Variants in IMMP1L observed in about 807,000 individuals in gnomAD.
The protein encoded by IMMP1L is inner mitochondrial membrane peptidase subunit 1, also known as mitochondrial inner membrane protease subunit 1.
IMMP1L carries 24 observed loss-of-function variants against 21.8 expected under a neutral mutation model. The observed-to-expected ratio is 1.10, with a 90% CI of 0.80 to 1.55. The LOEUF (loss-of-function observed/expected upper bound fraction) is 1.55. IMMP1L is among the 40% of genes most tolerant of loss of function. The pLI is 0.00. For missense variants in IMMP1L, 195 were observed against 200.7 expected, an observed-to-expected ratio of 0.97 and a Z score of 0.17; for synonymous variants, 46 against 62.8, an observed-to-expected ratio of 0.73 and a Z score of 1.26.
At chr11:31,452,650 T>G (rs1953794722) in intron 4 of IMMP1L, 2 of 986,092 alleles carry the variant, frequency 2.0e-6, no homozygotes, top group Non-Finnish European at 2.4e-6. Flanking sequence ...CAAATTAATC[T>G]CATATCTTTA....
intron 1 of IMMP1L, among the ~76,000 whole-genome samples, chr11:31,500,702 CTTTT>C (rs1169206104): frequency 6.7e-6 from 1 of 149,516 alleles, no homozygotes; most frequent in African/African-American, 2.5e-5. Context: ...GCTGTAGACA[CTTTT>C]TTTTTTCAAC....
chr11:31,462,468 T>C (rs1184688602), intron 2 of IMMP1L, among the ~76,000 whole-genome samples: 1 of 151,724 alleles, frequency 6.6e-6, no homozygotes, highest in Admixed American at 6.6e-5. Context: ...ATTGACTGGC[T>C]GGTCAATCAA....
rs778114962 is a variant in IMMP1L at position 31,463,123 on chromosome 11, G to C, written c.105+49C>G. Reference sequence around the variant, plus strand: ...GGAAAAACACACTTTCCTTCCATTTGAAAGAAAGTATATATTTAAGATGAA... The same window carrying C: ...GGAAAAACACACTTTCCTTCCATTTCAAAGAAAGTATATATTTAAGATGAA... On this transcript the variant is annotated intron_variant, in intron 2 of 5. Transcript: ENST00000532287. 7 of 1,422,176 alleles carry C rather than the reference G, an allele frequency of 4.9e-6. No individual in the cohort carries two copies. The East Asian group carries it at 1.2e-4, about 25-fold the overall frequency. The allele number at this position is 1,422,176 out of a possible 1,614,324, so 88.1% of individuals were successfully genotyped here. A position where few individuals can be genotyped will look rare whatever the true frequency, so the allele number is the denominator to read the frequency against.
chr11:31,472,579 C>T (rs535562223), intron 1 of IMMP1L, among the ~76,000 whole-genome samples: 2 of 152,142 alleles, frequency 1.3e-5, no homozygotes, highest in East Asian at 3.9e-4. Context: ...GAATCTGTTA[C>T]TTTTTTTATT....
At chr11:31,446,238 T>G (rs1953514850) in intron 4 of IMMP1L, among the ~76,000 whole-genome samples, 2 of 152,214 alleles carry the variant, frequency 1.3e-5, no homozygotes, top group African/African-American at 2.4e-5. Flanking sequence ...TTAATCTTTC[T>G]GCAATCTTTG....
chr11:31,453,757 T>C (rs1307473573), intron 4 of IMMP1L, among the ~76,000 whole-genome samples: 3 of 152,196 alleles, frequency 2.0e-5, no homozygotes, highest in Non-Finnish European at 4.4e-5. Flanking sequence ...CACTGGCTTG[T>C]CTTTCAGAAC....
At chr11:31,441,325 C>CTTT (rs755909397) in intron 4 of IMMP1L, among the ~76,000 whole-genome samples, 2 of 118,486 alleles carry the variant, frequency 1.7e-5, no homozygotes, top group East Asian at 2.5e-4. Flanking sequence ...CAGGGTTGGG[C>CTTT]TTTTTTTTTT....
At chr11:31,447,538 T>C (rs1447451206) in intron 4 of IMMP1L, among the ~76,000 whole-genome samples, 1 of 152,230 alleles carries the variant, frequency 6.6e-6, no homozygotes, top group African/African-American at 2.4e-5. Context: ...GAATTTTAAA[T>C]TACCTATAAT....
At chr11:31,456,239 C>T (rs1170337711) in intron 4 of IMMP1L, 21 bp downstream of exon 4, 1 of 1,529,214 alleles carries the variant, frequency 6.5e-7, no homozygotes, top group Non-Finnish European at 8.9e-7. Context: ...CCAAAAATAA[C>T]ATAATTGAAA....
chr11:31,436,775 TA>T (rs958457253), intron 4 of IMMP1L, among the ~76,000 whole-genome samples: 3 of 151,970 alleles, frequency 2.0e-5, no homozygotes, highest in South Asian at 4.2e-4. Context: ...AGGAATCTTC[TA>T]AAAAAAACAT....
chr11:31,459,735 T>C (rs1954072635), intron 3 of IMMP1L, among the ~76,000 whole-genome samples: 2 of 152,210 alleles, frequency 1.3e-5, no homozygotes, highest in African/African-American at 4.8e-5. Context: ...TGCTGTGAAA[T>C]AGGACTTTAA....
chr11:31,465,669 C>T (rs1017309282), intron 1 of IMMP1L, among the ~76,000 whole-genome samples: 28 of 151,848 alleles, frequency 1.8e-4, no homozygotes, highest in Non-Finnish European at 1.6e-4. Flanking sequence ...ATTTTTGACA[C>T]GGTACCAGGA....
intron 1 of IMMP1L, among the ~76,000 whole-genome samples, chr11:31,479,584 A>T (rs528650947): frequency 1.4e-4 from 22 of 152,188 alleles, no homozygotes; most frequent in Middle Eastern, 6.8e-3. Flanking sequence ...TTATGAGGCC[A>T]CTTAAAAGAT....
intron 1 of IMMP1L, among the ~76,000 whole-genome samples, chr11:31,498,742 C>T (rs776249268): frequency 2.0e-5 from 3 of 152,176 alleles, no homozygotes; most frequent in South Asian, 2.1e-4. Flanking sequence ...CTTCCACTTA[C>T]GAGCTTTCTG....
chr11:31,454,484 G>C (rs1166752399), intron 4 of IMMP1L, among the ~76,000 whole-genome samples: 1 of 142,048 alleles, frequency 7.0e-6, no homozygotes, highest in Non-Finnish European at 1.5e-5. Flanking sequence ...AACTGAAAGA[G>C]AGGATTTTGA....
chr11:31,499,949 A>C (rs1955565366), intron 1 of IMMP1L, among the ~76,000 whole-genome samples: 3 of 149,550 alleles, frequency 2.0e-5, no homozygotes, highest in African/African-American at 7.3e-5. Flanking sequence ...TAAATAAATA[A>C]ATAAATAAAT....
intron 2 of IMMP1L, among the ~76,000 whole-genome samples, chr11:31,461,308 T>C (rs192254996): frequency 6.6e-6 from 1 of 152,292 alleles, no homozygotes; most frequent in African/African-American, 2.4e-5. Flanking sequence ...AAGATTTTCA[T>C]GGCCAGGCAT....
intron 4 of IMMP1L, among the ~76,000 whole-genome samples, chr11:31,437,514 T>C (rs962107536): frequency 6.6e-6 from 1 of 152,170 alleles, no homozygotes; most frequent in African/African-American, 2.4e-5. Context: ...ACATAATGTT[T>C]GCAATTACTC....
chr11:31,434,022 C>G (rs1953026254), intron 4 of IMMP1L, among the ~76,000 whole-genome samples: 1 of 152,114 alleles, frequency 6.6e-6, no homozygotes, highest in Non-Finnish European at 1.5e-5. Flanking sequence ...TCATGATGAA[C>G]TAAATGGTAA....
Sources: gnomAD v4.1 joint callset for allele counts (sites outside exome capture counted in the v4.1 genomes callset) on GRCh38, gnomAD v4.1.1 for gene constraint, MANE v1.5 for transcripts, NCBI Gene and HGNC (gene_info 2026-07-23, HGNC 2026-07-21) for gene names.